The following ARHGAP26 variants were observed in gnomAD, a reference collection of about 807,000 sequenced individuals.
ARHGAP26 encodes Rho GTPase activating protein 26, also known as rho GTPase-activating protein 26.
A neutral mutation model predicts 104.8 loss-of-function variants in ARHGAP26; 38 were observed. The observed-to-expected ratio is 0.36, with a 90% CI of 0.28 to 0.48. The LOEUF is 0.48. ARHGAP26 is among the 20% of genes least tolerant of loss of function. The pLI, the probability that ARHGAP26 is intolerant of heterozygous loss-of-function variation, is 0.99. For missense variants in ARHGAP26, 704 were observed against 947.9 expected (o/e 0.74, Z 3.38); for synonymous variants, 341 against 340.0 (o/e 1.00, Z -0.03).
rs58576577 is a variant in ARHGAP26 at position 142,963,172 on chromosome 5, G to GTATATATA, written c.1107+31067_1107+31074dup. On this transcript the variant is annotated intron_variant, in intron 11 of 22. Coordinates refer to ENST00000645722, the MANE Select transcript of ARHGAP26 (RefSeq NM_001135608.3). ...CTGTGTAGTATTCCATGGTATATAT[G>GTATATATA]TATATATATATATATATATATATAT... is the stretch of plus-strand genomic sequence containing the variant. 6.3e-3 allele frequency among the ~76,000 whole-genome samples: 560 copies of GTATATATA among 88,850 alleles called. 1 individual carries two copies. The highest frequency in any genetic ancestry group is 9.4e-3 in the Non-Finnish European group (440 of 46,600). The allele number at this position is 88,850 out of a possible 152,430, so 58.3% of individuals were successfully genotyped here.
At chr5:143,016,807 G>T (rs1171163920) in intron 12 of ARHGAP26, among the ~76,000 whole-genome samples, 1 of 151,958 alleles carries the variant, frequency 6.6e-6, no homozygotes, top group African/African-American at 2.4e-5. Flanking sequence ...CAGTGTGATG[G>T]TCTGGTTTAG....
At chr5:142,873,143 G>T (rs1418893316) in intron 1 of ARHGAP26, among the ~76,000 whole-genome samples, 1 of 152,246 alleles carries the variant, frequency 6.6e-6, no homozygotes, top group Non-Finnish European at 1.5e-5. Flanking sequence ...GAGATGACAA[G>T]TTGCCTTTAG....
intron 22 of ARHGAP26, 75 bp from the exon 23 acceptor site, chr5:143,222,270 CACACACACACACA>C: frequency 1.3e-6 from 1 of 747,438 alleles, no homozygotes; most frequent in South Asian, 2.6e-5. Flanking sequence ...CACACACACA[CACACACACACACA>C]CCCCACACAC....
intron 20 of ARHGAP26, among the ~76,000 whole-genome samples, chr5:143,205,482 CTG>C (rs1371383743): frequency 1.3e-5 from 2 of 152,214 alleles, no homozygotes; most frequent in African/African-American, 4.8e-5. Context: ...TTCTCTATCA[CTG>C]TATTGTCATT....
At chr5:143,109,070 A>G (rs145338576) in intron 17 of ARHGAP26, among the ~76,000 whole-genome samples, 1 of 152,372 alleles carries the variant, frequency 6.6e-6, no homozygotes, top group Non-Finnish European at 1.5e-5. Context: ...AACTAATTAA[A>G]GATTGTTACA....
At chr5:143,139,450 T>C (rs1798265642) in intron 19 of ARHGAP26, among the ~76,000 whole-genome samples, 2 of 152,228 alleles carry the variant, frequency 1.3e-5, no homozygotes, top group Non-Finnish European at 2.9e-5. Context: ...GGTACCTTTG[T>C]CAGTTCTTGA....
chr5:143,000,216 G>C (rs1777004135), intron 11 of ARHGAP26, among the ~76,000 whole-genome samples: 1 of 152,192 alleles, frequency 6.6e-6, no homozygotes, highest in African/African-American at 2.4e-5. Flanking sequence ...CAAAGGCTTG[G>C]AAGTTTTCTG....
intron 17 of ARHGAP26, among the ~76,000 whole-genome samples, chr5:143,061,222 AT>A (rs1464292229): frequency 1.3e-5 from 2 of 152,072 alleles, no homozygotes; most frequent in African/African-American, 4.8e-5. Context: ...TAATTCTGTT[AT>A]TTTTATCAGG....
intron 8 of ARHGAP26, among the ~76,000 whole-genome samples, chr5:142,905,534 C>A (rs1467653170): frequency 6.6e-6 from 1 of 152,150 alleles, no homozygotes; most frequent in Non-Finnish European, 1.5e-5. Context: ...ACAATGATAT[C>A]ATTCCTTCTC....
At chr5:142,954,531 C>T (rs717408) in intron 11 of ARHGAP26, among the ~76,000 whole-genome samples, 2,506 of 152,326 alleles carry the variant, frequency 0.016, 68 homozygotes, top group African/African-American at 0.054. Context: ...CTCTTAAGAA[C>T]ACTCAGGTTC....
intron 11 of ARHGAP26, among the ~76,000 whole-genome samples, chr5:142,969,974 C>G (rs1390591476): frequency 6.6e-6 from 1 of 152,176 alleles, no homozygotes; most frequent in Non-Finnish European, 1.5e-5. Context: ...AAAGAATTAA[C>G]AAGTGGATTG....
chr5:142,795,447 C>T (rs1400163462), intron 1 of ARHGAP26, among the ~76,000 whole-genome samples: 1 of 152,130 alleles, frequency 6.6e-6, no homozygotes, highest in African/African-American at 2.4e-5. Context: ...CCTCCTTTTT[C>T]TCTGTTCTGG....
At chr5:143,125,706 T>TAATTTACTCAATTAAAA (rs1796648368) in intron 18 of ARHGAP26, among the ~76,000 whole-genome samples, 3 of 152,242 alleles carry the variant, frequency 2.0e-5, no homozygotes, top group Non-Finnish European at 4.4e-5. Flanking sequence ...ATGAATCCTT[T>TAATTTACTCAATTAAAA]AAATGAATAC....
chr5:142,895,120 C>T (rs181918171), intron 6 of ARHGAP26, among the ~76,000 whole-genome samples: 29 of 152,354 alleles, frequency 1.9e-4, no homozygotes, highest in South Asian at 1.2e-3. Flanking sequence ...TTAAAACTCT[C>T]GCAGACCATG....
chr5:142,894,987 C>A (rs1446234820), intron 6 of ARHGAP26, among the ~76,000 whole-genome samples: 2 of 152,198 alleles, frequency 1.3e-5, no homozygotes, highest in Non-Finnish European at 2.9e-5. Context: ...TTAGGCCACA[C>A]CAGCATGGTT....
chr5:142,922,481 T>C (rs909709339), intron 10 of ARHGAP26, among the ~76,000 whole-genome samples: 1 of 152,090 alleles, frequency 6.6e-6, no homozygotes, highest in African/African-American at 2.4e-5. Context: ...GTATTATTCC[T>C]TAAAGGAAGA....
chr5:142,940,793 T>A (rs761559385), intron 11 of ARHGAP26, among the ~76,000 whole-genome samples: 1 of 152,088 alleles, frequency 6.6e-6, no homozygotes, highest in Non-Finnish European at 1.5e-5. Context: ...GTTAAAGAAT[T>A]TGGCCAGGTG....
chr5:143,050,549 A>T (rs1169349655), intron 14 of ARHGAP26, among the ~76,000 whole-genome samples: 1 of 151,906 alleles, frequency 6.6e-6, no homozygotes. Flanking sequence ...TATTTCCCAT[A>T]CCTTTTCACA....
At chr5:143,214,204 G>GA in intron 22 of ARHGAP26, 116 bp downstream of exon 22, 1 of 672,396 alleles carries the variant, frequency 1.5e-6, no homozygotes, top group Non-Finnish European at 2.5e-6. Flanking sequence ...CAATGGGTAA[G>GA]AAAAAAAGTG....
Sources: allele counts gnomAD v4.1 joint callset (sites outside exome capture counted in the v4.1 genomes callset), GRCh38; gene constraint gnomAD v4.1.1; transcripts MANE v1.5; gene names NCBI Gene and HGNC (gene_info 2026-07-23, HGNC 2026-07-21).